The following RASSF4 variants were observed in gnomAD, a reference collection of about 807,000 sequenced individuals.
RASSF4 encodes the protein Ras association domain family member 4.
A neutral mutation model predicts 41.1 loss-of-function variants in RASSF4; 38 were observed. The ratio of observed to expected loss-of-function variants is 0.92; its 90% CI spans 0.71 to 1.21. RASSF4 has a LOEUF of 1.21. RASSF4 is among the 50% of genes most tolerant of loss of function. The pLI is 0.00. For synonymous variants in RASSF4, 179 were observed against 163.4 expected, an observed-to-expected ratio of 1.10 and a Z score of -0.73; for missense variants, 414 against 419.4, an observed-to-expected ratio of 0.99 and a Z score of 0.11.
At chr10:44,989,122 G>A in intron 6 of RASSF4, 152 bp from the exon 7 acceptor site, 1 of 580,280 alleles carries the variant, frequency 1.7e-6, no homozygotes, top group Non-Finnish European at 3.1e-6. Flanking sequence ...TCCCAGGTCT[G>A]GGAACAGCTT....
chr10:44,970,222 C>T lies in RASSF4; in HGVS notation c.20C>T (p.Pro7Leu), dbSNP rs749561755. 5.6e-6 allele frequency: 9 copies of T among 1,613,848 alleles called. No individual in the cohort carries two copies. Among genetic ancestry groups the T allele is most frequent in the East Asian group, 4.5e-5 (2 of 44,892 alleles). The change falls in exon 2 of 11, where the codon CCG becomes CTG. Residue 7 changes from proline (P) to leucine (L), a missense_variant. By Grantham distance (98) the Pro-to-Leu change is moderately conservative (BLOSUM62 -3). Transcript: ENST00000340258. ...GAGAAGATGAAGGAAGACTGTCTGCCGAGTTCTCACGTGCCCATCAGTGAC... is the reference window on the plus strand; with the variant it reads ...GAGAAGATGAAGGAAGACTGTCTGCTGAGTTCTCACGTGCCCATCAGTGAC... MKEDCLPSSHVPISDSK... is the reference protein window; with the variant it reads MKEDCLLSSHVPISDSK...
At chr10:44,984,146 G>C (rs1399398430) in intron 5 of RASSF4, 33 bp downstream of exon 5, 1 of 1,553,648 alleles carries the variant, frequency 6.4e-7, no homozygotes, top group Non-Finnish European at 8.7e-7. Flanking sequence ...CCAGACCCCT[G>C]CCTCATCCGG....
chr10:44,992,865 C>G (rs1384449095), intron 10 of RASSF4, among the ~76,000 whole-genome samples: 1 of 152,146 alleles, frequency 6.6e-6, no homozygotes, highest in African/African-American at 2.4e-5. Context: ...GATTTGAGAG[C>G]TGAAAGGGAT....
chr10:44,985,021 A>G, intron 6 of RASSF4, 51 bp downstream of exon 6: 1 of 1,575,286 alleles, frequency 6.3e-7, no homozygotes, highest in Non-Finnish European at 8.6e-7. Flanking sequence ...GCCAGGCCTG[A>G]GCACAGGCAC....
At chr10:44,985,185 T>A (rs753029353) in intron 6 of RASSF4, among the ~76,000 whole-genome samples, 5 of 152,232 alleles carry the variant, frequency 3.3e-5, no homozygotes, top group Non-Finnish European at 5.9e-5. Context: ...CACAGAATTC[T>A]GGCAAGTAAG....
intron 3 of RASSF4, chr10:44,982,188 GACAGGCTGTGCGTCCCTGGAACC>G: frequency 2.8e-6 from 1 of 355,600 alleles, no homozygotes; most frequent in Non-Finnish European, 5.2e-6. Context: ...GGCATGAGCA[GACAGGCTGTGCGTCCCTGGAACC>G]ACTTCTTCAC....
At chr10:44,990,686 G>A (rs997957194) in intron 8 of RASSF4, 6 of 315,106 alleles carry the variant, frequency 1.9e-5, no homozygotes, top group African/African-American at 4.2e-5. Context: ...AATAGGGGAG[G>A]GCAAAGAGCC....
chr10:44,986,081 T>G (rs1841910125), intron 6 of RASSF4, among the ~76,000 whole-genome samples: 2 of 152,204 alleles, frequency 1.3e-5, no homozygotes. Context: ...ATTGTTAGCA[T>G]TCAAATAAAT....
chr10:44,967,360 C>G (rs1328380374), intron 1 of RASSF4, among the ~76,000 whole-genome samples: 1 of 152,218 alleles, frequency 6.6e-6, no homozygotes, highest in African/African-American at 2.4e-5. Flanking sequence ...GGCCCACAGC[C>G]CCAGCTAGCT....
At position 44,994,563 on chromosome 10, in the gene RASSF4, C is replaced by G. The variant is rs1842231869; in HGVS notation, c.*1234C>G. 1 of 152,312 alleles carries G rather than the reference C, an allele frequency of 6.6e-6. No individual in the cohort carries two copies. Among genetic ancestry groups the G allele is most frequent in the South Asian group, 2.1e-4 (1 of 4,822 alleles). 9.4% of individuals were successfully genotyped at this position (152,312 alleles called of 1,614,324 possible). On this transcript the variant is annotated 3_prime_UTR_variant, in exon 11 of 11. Coordinates refer to ENST00000340258, the MANE Select transcript of RASSF4 (RefSeq NM_032023.4). ...CATGCTGTGCGGAACTGCGTCAGGG[C>G]AAATGTCACAGCAGGATTTCCCCAA... is the stretch of plus-strand genomic sequence containing the variant.
At chr10:44,975,889 T>G (rs886211798) in intron 3 of RASSF4, among the ~76,000 whole-genome samples, 7 of 151,936 alleles carry the variant, frequency 4.6e-5, no homozygotes, top group Non-Finnish European at 5.9e-5. Flanking sequence ...TCTGCTGACC[T>G]CATCCTAGTT....
At chr10:44,986,291 G>C (rs1379926156) in intron 6 of RASSF4, among the ~76,000 whole-genome samples, 1 of 152,198 alleles carries the variant, frequency 6.6e-6, no homozygotes, top group African/African-American at 2.4e-5. Context: ...TCACTAAGAG[G>C]TGTGTCTGGT....
At position 44,990,950 on chromosome 10, in the gene RASSF4, C is replaced by A; in HGVS notation, c.688C>A (p.Arg230=). Reference sequence around the variant, plus strand: ...TTGTAAACCACCTTCTTTTTCAGAGCGGACAAAATTAAAAGACTGCGAGTA... The same window carrying A: ...TTGTAAACCACCTTCTTTTTCAGAGAGGACAAAATTAAAAGACTGCGAGTA... ...ALYIVHESGE[R]TKLKDCEYPL... Residue 230 remains arginine (R), a splice_region_variant and synonymous_variant, in exon 9 of 11, where the codon CGG becomes AGG. Coordinates refer to ENST00000340258, the MANE Select transcript of RASSF4 (RefSeq NM_032023.4). 6.2e-7 allele frequency: 1 copy of A among 1,610,662 alleles called. No individual in the cohort carries two copies. Among genetic ancestry groups the A allele is most frequent in the Non-Finnish European group, 8.5e-7 (1 of 1,177,284 alleles).
chr10:44,982,932 C>T (rs985002094), intron 4 of RASSF4: 18 of 677,144 alleles, frequency 2.7e-5, no homozygotes, highest in Non-Finnish European at 4.7e-5. Flanking sequence ...CAAGAAGGGA[C>T]GACTACAGCC....
rs765589130 is a variant in RASSF4 at position 44,971,552 on chromosome 10, T to C, written c.63-221T>C. 8 of 675,260 alleles carry C rather than the reference T, an allele frequency of 1.2e-5. No individual in the cohort carries two copies. The South Asian group carries it at 1.2e-4, about 10-fold the overall frequency. 41.8% of individuals were successfully genotyped at this position (675,260 alleles called of 1,614,324 possible). On this transcript the variant is annotated intron_variant, in intron 2 of 10. Coordinates refer to ENST00000340258, the MANE Select transcript of RASSF4 (RefSeq NM_032023.4). Reference sequence around the variant, plus strand: ...GCAGGCCTGTCCCGTGAGTCTCGCCTCCTCCTCAGCCCGACCCCCATGCCC... The same window carrying C: ...GCAGGCCTGTCCCGTGAGTCTCGCCCCCTCCTCAGCCCGACCCCCATGCCC...
chr10:44,987,109 T>C (rs1182834158), intron 6 of RASSF4, among the ~76,000 whole-genome samples: 1 of 152,164 alleles, frequency 6.6e-6, no homozygotes, highest in Non-Finnish European at 1.5e-5. Flanking sequence ...CTGTTTCATG[T>C]TTCTTTTTTT....
intron 1 of RASSF4, among the ~76,000 whole-genome samples, chr10:44,966,169 A>G (rs1221072782): frequency 2.0e-5 from 3 of 152,128 alleles, no homozygotes; most frequent in African/African-American, 7.2e-5. Context: ...TGGGAAAATT[A>G]AGGCCCAGAG....
intron 1 of RASSF4, among the ~76,000 whole-genome samples, chr10:44,963,379 C>T (rs905576112): frequency 3.3e-5 from 5 of 152,206 alleles, no homozygotes; most frequent in African/African-American, 1.2e-4. Flanking sequence ...TCAGAGGCAC[C>T]TGGTTTCGGC....
In RASSF4 at chr10:44,995,788, G is replaced by C. The variant is rs1447101021; in HGVS notation, c.*2459G>C. 6.6e-6 allele frequency: 1 copy of C among 152,090 alleles called. No homozygotes were observed. The highest frequency in any genetic ancestry group is 2.4e-5 in the African/African-American group (1 of 41,422). 9.4% of individuals were successfully genotyped at this position (152,090 alleles called of 1,614,324 possible). A position where few individuals can be genotyped will look rare whatever the true frequency, so the allele number is the denominator to read the frequency against. On this transcript the variant is annotated 3_prime_UTR_variant, in exon 11 of 11. Transcript: ENST00000340258. Reference sequence around the variant, plus strand: ...TCTGTGGTTTCCTACTGGTTCCTGTGGGGAGCTCCCGCTTTCTTTCTACAT... The same window carrying C: ...TCTGTGGTTTCCTACTGGTTCCTGTCGGGAGCTCCCGCTTTCTTTCTACAT...
Sources: allele counts gnomAD v4.1 joint callset (sites outside exome capture counted in the v4.1 genomes callset), GRCh38; gene constraint gnomAD v4.1.1; transcripts MANE v1.5; gene names NCBI Gene and HGNC (gene_info 2026-07-23, HGNC 2026-07-21).